CACNA1E: variants seen among roughly 807,000 people sequenced by gnomAD.
CACNA1E encodes the protein calcium voltage-gated channel subunit alpha1 E, also known as voltage-dependent R-type calcium channel subunit alpha-1E.
CACNA1E carries 40 observed loss-of-function variants against 259.2 expected under a neutral mutation model. The observed-to-expected ratio is 0.15, with a 90% CI of 0.12 to 0.20. The LOEUF (loss-of-function observed/expected upper bound fraction) is 0.20. Among genes scored for constraint, CACNA1E ranks in the 10% least tolerant of loss-of-function variants. CACNA1E has a pLI of 1.00. For synonymous variants in CACNA1E, 1,104 were observed against 1,138.5 expected, an observed-to-expected ratio of 0.97 and a Z score of 0.61; for missense variants, 1,874 against 3,040.1, an observed-to-expected ratio of 0.62 and a Z score of 9.02.
At chr1:181,525,699 A>G (rs16857512) in intron 3 of CACNA1E, among the ~76,000 whole-genome samples, 12,812 of 152,298 alleles carry the variant, frequency 0.084, 653 homozygotes, top group South Asian at 0.25. Flanking sequence ...TTGAGAAGTC[A>G]GAATTTTAGT....
At chr1:181,671,887 A>G (rs1458973514) in intron 7 of CACNA1E, among the ~76,000 whole-genome samples, 1 of 152,246 alleles carries the variant, frequency 6.6e-6, no homozygotes. Flanking sequence ...ATTACTGGGT[A>G]TATACCTAGA....
chr1:181,481,043 G>C (rs139859283), upstream of CACNA1E, among the ~76,000 whole-genome samples: 46 of 152,196 alleles, frequency 3.0e-4, no homozygotes, highest in East Asian at 8.9e-3. Flanking sequence ...AGCCACTTGG[G>C]ACTAGTTCTA....
intron 34 of CACNA1E, 65 bp from the exon 35 acceptor site, chr1:181,766,481 T>C: frequency 2.7e-6 from 3 of 1,129,796 alleles, no homozygotes; most frequent in Non-Finnish European, 4.0e-6. Flanking sequence ...TGCCGGTGAC[T>C]GCAGGTTGTT....
intron 36 of CACNA1E, chr1:181,771,638 A>G (rs749026347): frequency 4.0e-6 from 2 of 497,096 alleles, no homozygotes; most frequent in Non-Finnish European, 7.1e-6. Flanking sequence ...TGGGTCTGCT[A>G]AATACTTGGG....
intron 6 of CACNA1E, among the ~76,000 whole-genome samples, chr1:181,593,642 G>T (rs1336108088): frequency 6.6e-6 from 1 of 152,118 alleles, no homozygotes; most frequent in Admixed American, 6.5e-5. Flanking sequence ...GGGTTCAAGC[G>T]ATTCTTCTGC....
intron 2 of CACNA1E, among the ~76,000 whole-genome samples, chr1:181,468,091 A>G (rs1662263133): frequency 6.6e-6 from 1 of 152,226 alleles, no homozygotes; most frequent in South Asian, 2.1e-4. Flanking sequence ...GTGTGTGGCT[A>G]GATTAGGTTA....
chr1:181,569,274 A>T (rs566908244), intron 3 of CACNA1E, among the ~76,000 whole-genome samples: 1 of 152,164 alleles, frequency 6.6e-6, no homozygotes, highest in South Asian at 2.1e-4. Flanking sequence ...ATTGTAGAGT[A>T]AGTCTTGGGC....
chr1:181,786,562 A>G (rs935747467), intron 43 of CACNA1E, among the ~76,000 whole-genome samples: 2 of 151,492 alleles, frequency 1.3e-5, no homozygotes, highest in African/African-American at 4.8e-5. Context: ...AAATTAAGGA[A>G]TTTTCCCATC....
rs112945904 is a variant in CACNA1E at position 181,641,660 on chromosome 1, C to T, written c.952-9678C>T. On this transcript the variant is annotated intron_variant, in intron 6 of 47. Coordinates refer to ENST00000367573, the MANE Select transcript of CACNA1E (RefSeq NM_001205293.3). ...GAGAGACAATCATGGTCTTCAACCT[C>T]GGGTAGCTTTCAAATGAGATCATGA... Among the ~76,000 whole-genome samples the T allele has an allele frequency of 3.3e-3, 483 of 146,562 alleles. 3 individuals are homozygous for T. The highest frequency in any genetic ancestry group is 0.012 in the African/African-American group (462 of 39,128).
intron 1 of CACNA1E, among the ~76,000 whole-genome samples, chr1:181,339,352 T>C (rs1260863690): frequency 5.9e-5 from 9 of 152,300 alleles, no homozygotes; most frequent in Non-Finnish European, 1.3e-4. Flanking sequence ...CAATGTTATA[T>C]AGTTTTTAGT....
At chr1:181,388,612 G>T (rs1010879224) in intron 1 of CACNA1E, among the ~76,000 whole-genome samples, 3 of 152,160 alleles carry the variant, frequency 2.0e-5, no homozygotes, top group African/African-American at 7.2e-5. Context: ...TTATAAGCCG[G>T]GCACGGTGAC....
intron 7 of CACNA1E, among the ~76,000 whole-genome samples, chr1:181,655,422 C>A (rs1250436290): frequency 6.6e-6 from 1 of 152,128 alleles, no homozygotes; most frequent in Non-Finnish European, 1.5e-5. Flanking sequence ...TTGGGCTTCT[C>A]AATGGCAACA....
intron 25 of CACNA1E, among the ~76,000 whole-genome samples, chr1:181,742,889 C>G (rs1275274121): frequency 1.3e-5 from 2 of 152,074 alleles, no homozygotes; most frequent in Non-Finnish European, 2.9e-5. Context: ...CATTAGGGAA[C>G]TTTATTGACT....
At chr1:181,328,235 GT>G (rs1650952173) in intron 1 of CACNA1E, among the ~76,000 whole-genome samples, 2 of 152,132 alleles carry the variant, frequency 1.3e-5, no homozygotes, top group Non-Finnish European at 2.9e-5. Context: ...CCTTCTCGCT[GT>G]GTCCTCACAT....
chr1:181,488,065 A>G (rs963304556), intron 1 of CACNA1E, among the ~76,000 whole-genome samples: 1 of 152,204 alleles, frequency 6.6e-6, no homozygotes, highest in African/African-American at 2.4e-5. Flanking sequence ...CACTCTGGCT[A>G]TGGATCAGAG....
intron 6 of CACNA1E, among the ~76,000 whole-genome samples, chr1:181,619,605 G>T (rs1398372324): frequency 6.6e-6 from 1 of 152,208 alleles, no homozygotes; most frequent in Non-Finnish European, 1.5e-5. Flanking sequence ...AAAGATGGAA[G>T]TAAGGAGACC....
intron 6 of CACNA1E, 38 bp from the exon 7 acceptor site, chr1:181,651,300 G>A (rs1264754953): frequency 7.6e-7 from 1 of 1,312,142 alleles, no homozygotes; most frequent in Non-Finnish European, 1.1e-6. Flanking sequence ...TATGGAAGAT[G>A]GCTTTAAGTA....
chr1:181,774,607 G>C (rs1659808888), intron 37 of CACNA1E, among the ~76,000 whole-genome samples: 1 of 152,232 alleles, frequency 6.6e-6, no homozygotes, highest in Non-Finnish European at 1.5e-5. Context: ...TGGAAGAGAA[G>C]ACACCTAGAC....
At chr1:181,376,714 T>A (rs1655125277) in intron 1 of CACNA1E, among the ~76,000 whole-genome samples, 1 of 152,192 alleles carries the variant, frequency 6.6e-6, no homozygotes, top group Non-Finnish European at 1.5e-5. Context: ...TAAGCTGCTG[T>A]CTCCTAGTTT....
Sources: gnomAD v4.1 joint callset for allele counts (sites outside exome capture counted in the v4.1 genomes callset) on GRCh38, gnomAD v4.1.1 for gene constraint, MANE v1.5 for transcripts, NCBI Gene and HGNC (gene_info 2026-07-23, HGNC 2026-07-21) for gene names.